PTPN9: variants seen among roughly 807,000 people sequenced by gnomAD.
PTPN9 encodes protein tyrosine phosphatase non-receptor type 9.
PTPN9 carries 26 observed loss-of-function variants against 69.8 expected under a neutral mutation model. That is an observed-to-expected ratio of 0.37 (90% CI 0.27 to 0.52). The LOEUF (loss-of-function observed/expected upper bound fraction) is 0.52. PTPN9 is among the 20% of genes least tolerant of loss of function. The probability of loss-of-function intolerance (pLI) is 0.91; values close to 1 mark genes in which losing one functional copy is unlikely to be tolerated. For missense variants in PTPN9, 549 were observed against 740.3 expected, an observed-to-expected ratio of 0.74 and a Z score of 3.00; for synonymous variants, 274 against 272.5, an observed-to-expected ratio of 1.01 and a Z score of -0.05.
intron 7 of PTPN9, among the ~76,000 whole-genome samples, chr15:75,496,483 T>C (rs1255564470): frequency 6.9e-6 from 1 of 144,592 alleles, no homozygotes; most frequent in African/African-American, 2.6e-5. Context: ...TAAAAGTCAC[T>C]AAAAGTATTA....
At chr15:75,526,035 G>T (rs1460241425) in intron 2 of PTPN9, among the ~76,000 whole-genome samples, 6 of 146,428 alleles carry the variant, frequency 4.1e-5, no homozygotes, top group Non-Finnish European at 6.0e-5. Flanking sequence ...TCACTCTGTT[G>T]CCCAGACTGG....
chr15:75,506,127 A>G (rs1439393293), intron 6 of PTPN9, 124 bp from the exon 7 acceptor site: 10 of 744,620 alleles, frequency 1.3e-5, no homozygotes, highest in African/African-American at 1.8e-5. Context: ...AATACAAGGT[A>G]TACTTGTAAA....
At chr15:75,557,869 A>G (rs1567522334) in intron 1 of PTPN9, among the ~76,000 whole-genome samples, 1 of 152,154 alleles carries the variant, frequency 6.6e-6, no homozygotes, top group Non-Finnish European at 1.5e-5. Flanking sequence ...ATCACCTCCA[A>G]GGCTAGCATT....
At chr15:75,531,644 G>T (rs941117159) in intron 1 of PTPN9, among the ~76,000 whole-genome samples, 3 of 151,088 alleles carry the variant, frequency 2.0e-5, no homozygotes, top group Non-Finnish European at 4.4e-5. Flanking sequence ...GTACAGTGGC[G>T]CAATCTTGGC....
intron 8 of PTPN9, among the ~76,000 whole-genome samples, chr15:75,485,424 A>C (rs972832110): frequency 7.7e-6 from 1 of 129,080 alleles, no homozygotes; most frequent in African/African-American, 3.0e-5. Flanking sequence ...TGCGGACTGC[A>C]GTGGCGCAAT....
chr15:75,469,223 T>C (rs2074551576), intron 12 of PTPN9, among the ~76,000 whole-genome samples: 1 of 152,180 alleles, frequency 6.6e-6, no homozygotes, highest in Non-Finnish European at 1.5e-5. Flanking sequence ...GAAGTGGAAA[T>C]GGGAAGGTGA....
intron 1 of PTPN9, among the ~76,000 whole-genome samples, chr15:75,540,575 G>C (rs985376745): frequency 7.4e-5 from 10 of 135,192 alleles, no homozygotes; most frequent in African/African-American, 1.9e-4. Flanking sequence ...AAGAAAGAAA[G>C]AAAGAAAGAA....
intron 1 of PTPN9, among the ~76,000 whole-genome samples, chr15:75,563,352 C>G (rs1201505193): frequency 1.3e-5 from 2 of 152,166 alleles, no homozygotes; most frequent in African/African-American, 2.4e-5. Flanking sequence ...CCATGCCCAG[C>G]TAACTTTGGT....
chr15:75,571,184 C>T (rs1238119368), intron 1 of PTPN9, among the ~76,000 whole-genome samples: 4 of 151,832 alleles, frequency 2.6e-5, no homozygotes, highest in South Asian at 2.1e-4. Context: ...TGCTTGAACC[C>T]GGGAGGCGGC....
intron 8 of PTPN9, among the ~76,000 whole-genome samples, chr15:75,488,018 T>C (rs1183830500): frequency 1.3e-5 from 2 of 152,232 alleles, no homozygotes; most frequent in Admixed American, 1.3e-4. Flanking sequence ...CAGTGGCTCA[T>C]GCCTGTAATC....
At chr15:75,564,346 G>C (rs923166440) in intron 1 of PTPN9, among the ~76,000 whole-genome samples, 2 of 152,160 alleles carry the variant, frequency 1.3e-5, no homozygotes, top group African/African-American at 2.4e-5. Context: ...TGTAATCCCA[G>C]CACTTCTGGA....
chr15:75,530,434 TATA>T (rs1337159804), intron 1 of PTPN9, among the ~76,000 whole-genome samples: 3 of 105,486 alleles, frequency 2.8e-5, no homozygotes, highest in South Asian at 2.6e-4. Flanking sequence ...TATTATAATA[TATA>T]ATATATTATT....
chr15:75,501,464 CTT>C (rs745478766), intron 7 of PTPN9, among the ~76,000 whole-genome samples: 2 of 122,138 alleles, frequency 1.6e-5, no homozygotes, highest in African/African-American at 3.0e-5. Context: ...TTCTTTCTTT[CTT>C]TTTTTTTTTT....
intron 1 of PTPN9, among the ~76,000 whole-genome samples, chr15:75,535,452 T>C (rs768276168): frequency 6.6e-6 from 1 of 152,160 alleles, no homozygotes; most frequent in South Asian, 2.1e-4. Context: ...AACAATGCCA[T>C]CCTAGGCACA....
At chr15:75,501,364 G>A (rs971040718) in intron 7 of PTPN9, among the ~76,000 whole-genome samples, 4 of 151,686 alleles carry the variant, frequency 2.6e-5, no homozygotes, top group African/African-American at 9.7e-5. Flanking sequence ...GTCACTCACA[G>A]AGGGAATTTT....
chr15:75,485,354 CT>C lies in PTPN9; in HGVS notation c.1062+4853del, dbSNP rs891447336. 7.0e-3 allele frequency among the ~76,000 whole-genome samples: 548 copies of C among 78,762 alleles called. 4 individuals are homozygous for C. The East Asian group carries it at 0.081, about 12-fold the overall frequency. 51.7% of individuals were successfully genotyped at this position (78,762 alleles called of 152,430 possible). A position where few individuals can be genotyped will look rare whatever the true frequency, so the allele number is the denominator to read the frequency against. On this transcript the variant is annotated intron_variant, in intron 8 of 12. Transcript: ENST00000618819. ...CATGCTTTGAAAAGAATTGTCACTTCTTTTTTTTTTTTTTTTTTTTTTTTTG... is the reference window on the plus strand; with the variant it reads ...CATGCTTTGAAAAGAATTGTCACTTCTTTTTTTTTTTTTTTTTTTTTTTTG...
At chr15:75,481,970 A>C (rs1277428250) in intron 8 of PTPN9, among the ~76,000 whole-genome samples, 3 of 145,652 alleles carry the variant, frequency 2.1e-5, no homozygotes, top group Admixed American at 6.8e-5. Flanking sequence ...CCAACAGCTC[A>C]TTGAGAACGG....
In PTPN9 at chr15:75,522,866, G is replaced by A. The variant is rs947166261; in HGVS notation, c.422+255C>T. ...TCCAATAAGTAGTTTTCCATACACTGAAGATTGCCGATAATTGACTTTCTC... is the reference window on the plus strand; with the variant it reads ...TCCAATAAGTAGTTTTCCATACACTAAAGATTGCCGATAATTGACTTTCTC... On this transcript the variant is annotated intron_variant, in intron 4 of 12. Coordinates refer to ENST00000618819, the MANE Select transcript of PTPN9 (RefSeq NM_002833.4). Among the ~76,000 whole-genome samples the A allele has an allele frequency of 3.9e-5, 6 of 152,160 alleles. No individual in the cohort carries two copies. In the South Asian group the frequency reaches 1.0e-3, roughly 26 times the overall value.
chr15:75,559,180 C>T (rs1248580266), intron 1 of PTPN9, among the ~76,000 whole-genome samples: 2 of 150,814 alleles, frequency 1.3e-5, no homozygotes, highest in Admixed American at 6.6e-5. Context: ...GCCCGGCCGC[C>T]CCGTCTAAGT....
Sources: gnomAD v4.1 joint callset for allele counts (sites outside exome capture counted in the v4.1 genomes callset) on GRCh38, gnomAD v4.1.1 for gene constraint, MANE v1.5 for transcripts, NCBI Gene and HGNC (gene_info 2026-07-23, HGNC 2026-07-21) for gene names.